NCAPG: variants seen among roughly 807,000 people sequenced by gnomAD.
NCAPG encodes non-SMC condensin I complex subunit G.
NCAPG carries 69 observed loss-of-function variants against 113.1 expected under a neutral mutation model. That is an observed-to-expected ratio of 0.61 (90% confidence interval 0.50 to 0.75). The LOEUF is 0.75. Among genes scored for constraint, NCAPG ranks in the 30% least tolerant of loss-of-function variants. The pLI, the probability that NCAPG is intolerant of heterozygous loss-of-function variation, is 0.00. For synonymous variants in NCAPG, 370 were observed against 415.8 expected, an observed-to-expected ratio of 0.89 and a Z score of 1.34; for missense variants, 1,058 against 1,177.0, an observed-to-expected ratio of 0.90 and a Z score of 1.48.
At chr4:17,830,551 CA>C (rs1229891388) in intron 12 of NCAPG, among the ~76,000 whole-genome samples, 2 of 129,298 alleles carry the variant, frequency 1.5e-5, no homozygotes, top group Non-Finnish European at 3.2e-5. Context: ...AGACTAGTTT[CA>C]CTTTTTTTTT....
chr4:17,839,993 C>A, intron 17 of NCAPG, 78 bp from the exon 18 acceptor site: 1 of 1,502,952 alleles, frequency 6.7e-7, no homozygotes, highest in Non-Finnish European at 8.9e-7. Flanking sequence ...TTTTAAACAA[C>A]TTGATATGTA....
chr4:17,815,054 T>C lies in NCAPG; in HGVS notation c.690+56T>C. On this transcript the variant is annotated intron_variant, in intron 4 of 20. Transcript: ENST00000251496. ...ATTCTTAAAGGACAAGGAGCCATTTTCTTAAAGTGCCTTTGAAAAATACTT... is the reference window on the plus strand; with the variant it reads ...ATTCTTAAAGGACAAGGAGCCATTTCCTTAAAGTGCCTTTGAAAAATACTT... The C allele has an allele frequency of 1.9e-6, 3 of 1,590,474 alleles. No individual in the cohort carries two copies. The East Asian group carries it at 6.7e-5, about 36-fold the overall frequency.
intron 13 of NCAPG, among the ~76,000 whole-genome samples, chr4:17,833,804 C>A (rs1457853935): frequency 6.6e-6 from 1 of 152,000 alleles, no homozygotes; most frequent in African/African-American, 2.4e-5. Flanking sequence ...ATTCTAAATT[C>A]ATTGAGCTAA....
intron 9 of NCAPG, 111 bp downstream of exon 9, chr4:17,823,881 T>C (rs183866941): frequency 1.2e-6 from 1 of 858,552 alleles, no homozygotes; most frequent in East Asian, 2.7e-5. Context: ...TAGGTTCGTC[T>C]CTTTAATGAG....
At chr4:17,839,291 C>T (rs1306716613) in intron 16 of NCAPG, among the ~76,000 whole-genome samples, 2 of 152,204 alleles carry the variant, frequency 1.3e-5, no homozygotes, top group South Asian at 2.1e-4. Context: ...AAACACTGTA[C>T]TTGTGCACGG....
chr4:17,843,205 C>CTGAT (rs936191114), intron 20 of NCAPG, 97 bp from the exon 21 acceptor site: 5 of 1,318,560 alleles, frequency 3.8e-6, no homozygotes, highest in Admixed American at 4.3e-5. Flanking sequence ...CAATTAAACA[C>CTGAT]TGATAGAATG....
intron 7 of NCAPG, among the ~76,000 whole-genome samples, chr4:17,819,079 CTG>C (rs1265540861): frequency 5.9e-5 from 9 of 152,006 alleles, no homozygotes; most frequent in South Asian, 2.1e-4. Context: ...AAATATAACA[CTG>C]TGTATATACT....
intron 5 of NCAPG, among the ~76,000 whole-genome samples, chr4:17,816,842 T>C (rs192837588): frequency 2.0e-5 from 3 of 152,292 alleles, no homozygotes; most frequent in Admixed American, 6.5e-5. Context: ...TTACCTTTAA[T>C]ATGCTTAGTT....
chr4:17,819,914 T>C (rs1437142639), intron 7 of NCAPG, among the ~76,000 whole-genome samples: 1 of 152,206 alleles, frequency 6.6e-6, no homozygotes, highest in Non-Finnish European at 1.5e-5. Flanking sequence ...AAGCCCATGT[T>C]AACATCATGA....
At position 17,839,796 on chromosome 4, in the gene NCAPG, C is replaced by G; in HGVS notation, c.2587C>G (p.Leu863Val). 1 of 1,586,882 alleles carries G rather than the reference C, an allele frequency of 6.3e-7. No homozygotes were observed. Among genetic ancestry groups the G allele is most frequent in the Non-Finnish European group, 8.5e-7 (1 of 1,173,740 alleles). Reference protein sequence around the residue: ...ALSSLELSSHLAKDLLVLLNE... With the variant: ...ALSSLELSSHVAKDLLVLLNE... ...GAGTTCTTTAGAACTCAGTAGCCAT[C>G]TTGCAAAAGATCTTCTGGTTCTATT... The change falls in exon 17 of 21, where the codon CTT becomes GTT. Residue 863 changes from leucine (L) to valine (V), a missense_variant. Leu to Val is a conservative substitution (Grantham distance 32). Transcript: ENST00000251496.
rs114775708 is a variant in NCAPG at position 17,822,110 on chromosome 4, T to C, written c.1119-873T>C. Among the ~76,000 whole-genome samples the C allele has an allele frequency of 2.6e-3, 399 of 152,202 alleles. 2 individuals are homozygous for C. Among genetic ancestry groups the C allele is most frequent in the African/African-American group, 8.5e-3 (351 of 41,536 alleles). On this transcript the variant is annotated intron_variant, in intron 7 of 20. Transcript: ENST00000251496. ...TGATTTTTTTCAAAAAAGATAATTG[T>C]ATTCATGGATTACTTGTGTAACTAT...
intron 12 of NCAPG, among the ~76,000 whole-genome samples, chr4:17,830,350 G>A (rs766572429): frequency 6.6e-6 from 1 of 151,456 alleles, no homozygotes; most frequent in African/African-American, 2.4e-5. Context: ...CCGAGATTGC[G>A]CCACTGCACT....
intron 16 of NCAPG, among the ~76,000 whole-genome samples, chr4:17,838,819 C>CA (rs1722206085): frequency 6.6e-6 from 1 of 152,032 alleles, no homozygotes; most frequent in Non-Finnish European, 1.5e-5. Context: ...GGGTTAATGT[C>CA]ATGAAAACCA....
intron 11 of NCAPG, among the ~76,000 whole-genome samples, chr4:17,826,021 G>A (rs1284443379): frequency 6.6e-6 from 1 of 151,922 alleles, no homozygotes; most frequent in Non-Finnish European, 1.5e-5. Context: ...AAAAAGCTAC[G>A]CAGCTTTGTT....
intron 9 of NCAPG, 64 bp from the exon 10 acceptor site, chr4:17,824,904 A>G: frequency 4.2e-6 from 5 of 1,178,566 alleles, no homozygotes; most frequent in Non-Finnish European, 4.9e-6. Context: ...AGTTTTATAT[A>G]GAATTTTGAT....
At position 17,825,057 on chromosome 4, in the gene NCAPG, G is replaced by A; in HGVS notation, c.1473G>A (p.Lys491=). Residue 491 remains lysine, a splice_region_variant and synonymous_variant, in exon 10 of 21, where the codon AAG becomes AAA. Coordinates refer to ENST00000251496, the MANE Select transcript of NCAPG (RefSeq NM_022346.5). ...DPADVRKKEL[K]MAEIKVKLIE... is the part of the protein sequence containing the mutation. ...CTGATGTAAGAAAGAAAGAACTCAA[G>A]GTAAGTCTCTTTTAAATGAAAGAAG... 6.2e-7 allele frequency: 1 copy of A among 1,608,892 alleles called. No homozygotes were observed. The highest frequency in any genetic ancestry group is 8.5e-7 in the Non-Finnish European group (1 of 1,176,620).
At chr4:17,833,197 C>A (rs1721932496) in intron 13 of NCAPG, among the ~76,000 whole-genome samples, 1 of 151,874 alleles carries the variant, frequency 6.6e-6, no homozygotes, top group Non-Finnish European at 1.5e-5. Flanking sequence ...TGGTGAAACC[C>A]CCATCTCTAC....
At position 17,842,380 on chromosome 4, in the gene NCAPG, G is replaced by T; in HGVS notation, c.2924+1G>T. On this transcript the variant is annotated splice_donor_variant, in intron 20 of 20. Transcript: ENST00000251496. LOFTEE classifies it high-confidence loss of function. The stretch of plus-strand genomic sequence containing the variant: ...AGACTGCTGAAGCCGACTCTGAAAG[G>T]TATGTCATGCATGTCTAGAATATAT... The T allele has an allele frequency of 6.2e-7, 1 of 1,611,128 alleles. No homozygotes were observed. Among genetic ancestry groups the T allele is most frequent in the Non-Finnish European group, 8.5e-7 (1 of 1,177,684 alleles).
rs1056832143 is a variant in NCAPG at position 17,816,690 on chromosome 4, C to T, written c.776-571C>T. Reference sequence around the variant, plus strand: ...ATAGCTATTACATATTCTGGGCTAACACCTGAAGCCCATTGAACCCAGGGG... The same window carrying T: ...ATAGCTATTACATATTCTGGGCTAATACCTGAAGCCCATTGAACCCAGGGG... On this transcript the variant is annotated intron_variant, in intron 5 of 20. Transcript: ENST00000251496. Among the ~76,000 whole-genome samples, 4 of 152,164 alleles carry T rather than the reference C, an allele frequency of 2.6e-5. No individual in the cohort carries two copies. The South Asian group carries it at 8.3e-4, about 32-fold the overall frequency.
Sources: gnomAD v4.1 joint callset for allele counts (sites outside exome capture counted in the v4.1 genomes callset) on GRCh38, gnomAD v4.1.1 for gene constraint, MANE v1.5 for transcripts, NCBI Gene and HGNC (gene_info 2026-07-23, HGNC 2026-07-21) for gene names.